Variants in CROCC observed in about 807,000 individuals in gnomAD.
CROCC encodes rootletin.
A neutral mutation model predicts 245.2 loss-of-function variants in CROCC; 180 were observed. That is an observed-to-expected ratio of 0.73 (90% confidence interval 0.65 to 0.83). The LOEUF is 0.83. CROCC is among the 40% of genes least tolerant of loss of function. CROCC has a pLI of 0.00. For missense variants in CROCC, 2,688 were observed against 2,779.4 expected, an observed-to-expected ratio of 0.97 and a Z score of 0.74; for synonymous variants, 1,205 against 1,241.6, an observed-to-expected ratio of 0.97 and a Z score of 0.62.
rs542622166 is a variant in CROCC at position 16,938,915 on chromosome 1, T to C, written c.1381T>C (p.Leu461=). ...CTCCCTCCCCCACCCTCAGGCCGTC[T>C]TGTCAGACTCTGAGAGCGGCGTCCA... The part of the protein sequence containing the change: ...QTLRDLAQAV[L]SDSESGVQLS... The change falls in exon 12 of 37, where the codon TTG becomes CTG. Residue 461 remains leucine, a synonymous_variant. Transcript: ENST00000375541. 3.4e-5 allele frequency: 55 copies of C among 1,603,838 alleles called. No homozygotes were observed. Among genetic ancestry groups the C allele is most frequent in the Admixed American group, 1.2e-4 (7 of 56,714 alleles).
At position 16,969,290 on chromosome 1, in the gene CROCC, C is replaced by G. The variant is rs138167072; in HGVS notation, c.5251C>G (p.His1751Asp). The G allele has an allele frequency of 3.7e-6, 6 of 1,612,806 alleles. No individual in the cohort carries two copies. In the African/African-American group the frequency reaches 8.0e-5, roughly 22 times the overall value. Residue 1751 changes from histidine (H) to aspartate (D), a missense_variant, in exon 32 of 37, where the codon CAT becomes GAT. By Grantham distance (81) the His-to-Asp change is moderately conservative. Coordinates refer to ENST00000375541, the MANE Select transcript of CROCC (RefSeq NM_014675.5). ...SLNSTRDKNLHLQKALTACEH... is the reference protein window; with the variant it reads ...SLNSTRDKNLDLQKALTACEH... ...CAACAGCACCCGGGACAAGAACCTGCATCTGCAGAAGGCTCTGACCGCCTG... is the reference window on the plus strand; with the variant it reads ...CAACAGCACCCGGGACAAGAACCTGGATCTGCAGAAGGCTCTGACCGCCTG...
intron 1 of CROCC, among the ~76,000 whole-genome samples, chr1:16,916,387 G>A (rs757577462): frequency 3.9e-5 from 6 of 152,278 alleles, no homozygotes; most frequent in South Asian, 2.1e-4. Context: ...GAGCAGGGAA[G>A]CATAGAGACC....
upstream of CROCC, among the ~76,000 whole-genome samples, chr1:16,920,320 G>A (rs1269255481): frequency 6.6e-6 from 1 of 152,146 alleles, no homozygotes; most frequent in African/African-American, 2.4e-5. Flanking sequence ...CTCCTGATCC[G>A]CCTGCCTCAG....
chr1:16,931,692 G>A (rs1301834667), intron 8 of CROCC, among the ~76,000 whole-genome samples: 1 of 152,276 alleles, frequency 6.6e-6, no homozygotes, highest in African/African-American at 2.4e-5. Context: ...GTGGCGCAGA[G>A]AGGTTGAGTG....
chr1:16,970,443 C>T lies in CROCC; in HGVS notation c.5642C>T (p.Thr1881Met), dbSNP rs568273974. ...LEKDRVALRR[T>M]LDKVEREKLR... ...AAGGACCGTGTAGCCCTCAGGAGGACGCTGGACAAGGTAGGCTGCTCCCCA... is the reference window on the plus strand; with the variant it reads ...AAGGACCGTGTAGCCCTCAGGAGGATGCTGGACAAGGTAGGCTGCTCCCCA... Residue 1881 changes from threonine to methionine, a missense_variant, in exon 34 of 37, where the codon ACG becomes ATG. By Grantham distance (81) the Thr-to-Met change is moderately conservative (BLOSUM62 -1). Transcript: ENST00000375541. The T allele has an allele frequency of 2.0e-5, 32 of 1,588,154 alleles. No homozygotes were observed. The highest frequency in any genetic ancestry group is 8.0e-5 in the African/African-American group (6 of 74,548).
intron 1 of CROCC, 114 bp downstream of exon 1, chr1:16,922,192 G>C (rs1265569607): frequency 1.7e-6 from 2 of 1,149,622 alleles, no homozygotes; most frequent in Non-Finnish European, 2.4e-6. Context: ...GTGTGGTGGT[G>C]GTGGGGTATA....
At chr1:16,936,922 A>C (rs370836392) in intron 9 of CROCC, 49 bp downstream of exon 9, 1 of 1,542,858 alleles carries the variant, frequency 6.5e-7, no homozygotes, top group Non-Finnish European at 8.9e-7. Flanking sequence ...TGCAGAAGGT[A>C]AAACTGGAGA....
chr1:16,970,876 C>G (rs570171315), intron 35 of CROCC, 109 bp downstream of exon 35: 2 of 1,330,006 alleles, frequency 1.5e-6, no homozygotes, highest in African/African-American at 1.5e-5. Context: ...CCCCCTCCCC[C>G]AGGAGCCCTG....
chr1:16,932,754 A>C (rs1194543988), intron 8 of CROCC, among the ~76,000 whole-genome samples: 2 of 152,274 alleles, frequency 1.3e-5, no homozygotes, highest in Non-Finnish European at 1.5e-5. Context: ...GGCCTGCCTG[A>C]TCCGTGTGAG....
intron 3 of CROCC, among the ~76,000 whole-genome samples, chr1:16,925,032 G>A (rs1281415361): frequency 6.6e-6 from 1 of 152,294 alleles, no homozygotes; most frequent in African/African-American, 2.4e-5. Context: ...CATCACCCGT[G>A]CTGCAGGCTT....
At chr1:16,964,223 C>A (rs1220509829) in intron 27 of CROCC, among the ~76,000 whole-genome samples, 2 of 150,824 alleles carry the variant, frequency 1.3e-5, no homozygotes, top group Non-Finnish European at 3.0e-5. Flanking sequence ...CCTCTGTCTC[C>A]AGGGTTCAAG....
rs917287564 is a variant in CROCC at position 16,972,522 on chromosome 1, C to G, written c.*76C>G. ...CCTTCTTTTGGACAGCCCCCCCACC[C>G]AGAGCCCGGTCCCTTGGGGGCCTCA... is the stretch of plus-strand genomic sequence containing the variant. On this transcript the variant is annotated 3_prime_UTR_variant, in exon 37 of 37. Transcript: ENST00000375541. 7 of 944,890 alleles carry G rather than the reference C, an allele frequency of 7.4e-6. No homozygotes were observed. The East Asian group carries it at 2.1e-4, about 28-fold the overall frequency. The allele number at this position is 944,890 out of a possible 1,614,324, so 58.5% of individuals were successfully genotyped here.
rs1238202622 is a variant in CROCC, at chr1:16,966,643, G to A, written c.4860+72G>A. 7 of 1,399,402 alleles carry A rather than the reference G, an allele frequency of 5.0e-6. No homozygotes were observed. The highest frequency in any genetic ancestry group is 1.5e-5 in the African/African-American group (1 of 68,150). The allele number at this position is 1,399,402 out of a possible 1,614,324, so 86.7% of individuals were successfully genotyped here. ...CCGAGTGAGTGTCTAACTCTTATGT[G>A]TGTCTCCCTGTGTCTGTCTGCCTGA... On this transcript the variant is annotated intron_variant, in intron 30 of 36. Coordinates refer to ENST00000375541, the MANE Select transcript of CROCC (RefSeq NM_014675.5). This position sits in a 1 kb window ranked among gnomAD's most constrained non-coding sequence, Gnocchi z 4.8.
At chr1:16,958,269 A>C (rs2076278412) in intron 25 of CROCC, among the ~76,000 whole-genome samples, 1 of 152,216 alleles carries the variant, frequency 6.6e-6, no homozygotes, top group African/African-American at 2.4e-5. Context: ...GTAGAGGGGA[A>C]AGATAACCCA....
chr1:16,960,742 C>A lies in CROCC; in HGVS notation c.4033-16C>A. 1 of 1,501,350 alleles carries A rather than the reference C, an allele frequency of 6.7e-7. No homozygotes were observed. The highest frequency in any genetic ancestry group is 8.9e-7 in the Non-Finnish European group (1 of 1,128,626). 93.0% of individuals were successfully genotyped at this position (1,501,350 alleles called of 1,614,324 possible). A position where few individuals can be genotyped will look rare whatever the true frequency, so the allele number is the denominator to read the frequency against. On this transcript the variant is annotated splice_polypyrimidine_tract_variant and intron_variant, in intron 26 of 36. Transcript: ENST00000375541. ...GGAGAGGTCTTGCCGACCTCCACCT[C>A]CTGGCATCACTCCAGCTCCAGGTAG...
At position 16,965,873 on chromosome 1, in the gene CROCC, G is replaced by A. The variant is rs201368075; in HGVS notation, c.4556G>A (p.Arg1519Gln). 9.9e-6 allele frequency: 16 copies of A among 1,613,510 alleles called. No individual in the cohort carries two copies. Among genetic ancestry groups the A allele is most frequent in the Admixed American group, 3.3e-5 (2 of 60,016 alleles). Residue 1519 changes from arginine to glutamine, a missense_variant, in exon 28 of 37, where the codon CGG becomes CAG. Arg to Gln is a conservative substitution (Grantham distance 43). Coordinates refer to ENST00000375541, the MANE Select transcript of CROCC (RefSeq NM_014675.5). ...CTCCGGGAATTCCTGCAAGAGCTGC[G>A]GAGTGCCCAGAGAGAACGGGTAAGC... ...GALREFLQEL[R>Q]SAQRERDELR...
At chr1:16,921,611 A>C (rs2075406831), upstream of CROCC, among the ~76,000 whole-genome samples, 1 of 152,260 alleles carries the variant, frequency 6.6e-6, no homozygotes, top group Non-Finnish European at 1.5e-5. Flanking sequence ...TTCCCGCCGC[A>C]TGGCTACTGA....
At position 16,953,134 on chromosome 1, in the gene CROCC, G is replaced by A. The variant is rs187484772; in HGVS notation, c.3007-168G>A. The A allele has an allele frequency of 3.1e-4, 200 of 642,826 alleles. No homozygotes were observed. In the African/African-American group the frequency reaches 3.4e-3, roughly 11 times the overall value. 39.8% of individuals were successfully genotyped at this position (642,826 alleles called of 1,614,324 possible). On this transcript the variant is annotated intron_variant, in intron 20 of 36. Coordinates refer to ENST00000375541, the MANE Select transcript of CROCC (RefSeq NM_014675.5). The stretch of plus-strand genomic sequence containing the variant: ...CACTGCTGCTCCTTGGCACTTTCAC[G>A]GCCCTGGCGTGTCCCCGTCATAGCC...
At position 16,951,089 on chromosome 1, in the gene CROCC, C is replaced by T. The variant is rs371707947; in HGVS notation, c.2973C>T (p.His991=). The part of the protein sequence containing the change: ...QASLREQRAA[H]EEDLQRLQRE... ...CTCTGCGGGAGCAGCGGGCAGCTCA[C>T]GAGGAGGACTTACAGCGACTCCAGC... The change falls in exon 20 of 37, where the codon CAC becomes CAT. Residue 991 remains histidine (H), a synonymous_variant. Transcript: ENST00000375541. 1.7e-5 allele frequency: 27 copies of T among 1,588,016 alleles called. No homozygotes were observed. The African/African-American group carries it at 2.6e-4, about 15-fold the overall frequency.
Sources: allele counts gnomAD v4.1 joint callset (sites outside exome capture counted in the v4.1 genomes callset), GRCh38; gene constraint gnomAD v4.1.1; non-coding constraint Gnocchi (gnomAD v3.1); transcripts MANE v1.5; gene names NCBI Gene and HGNC (gene_info 2026-07-23, HGNC 2026-07-21).